The following GRAMD1B variants were observed in gnomAD, a reference collection of about 807,000 sequenced individuals.
The protein encoded by GRAMD1B is protein Aster-B.
Under a neutral mutation model 99.7 loss-of-function variants are expected in GRAMD1B, and 37 were observed. That is an observed-to-expected ratio of 0.37 (90% CI 0.29 to 0.49). GRAMD1B has a LOEUF of 0.49. Among genes scored for constraint, GRAMD1B ranks in the 20% least tolerant of loss-of-function variants. The probability of loss-of-function intolerance (pLI) is 0.98; values close to 1 mark genes in which losing one functional copy is unlikely to be tolerated. For missense variants in GRAMD1B, 888 were observed against 1,009.2 expected, an observed-to-expected ratio of 0.88 and a Z score of 1.63; for synonymous variants, 427 against 387.6, an observed-to-expected ratio of 1.10 and a Z score of -1.19.
chr11:123,527,638 A>G (rs892176133), intron 2 of GRAMD1B, among the ~76,000 whole-genome samples: 1 of 152,168 alleles, frequency 6.6e-6, no homozygotes, highest in Non-Finnish European at 1.5e-5. Context: ...ACCAGCAGCT[A>G]AAGCTCTTCC....
chr11:123,472,290 AAC>A (rs1951055118), intron 1 of GRAMD1B, among the ~76,000 whole-genome samples: 1 of 152,112 alleles, frequency 6.6e-6, no homozygotes, highest in Non-Finnish European at 1.5e-5. Flanking sequence ...TCTTTTGTTA[AAC>A]ACAGACATGG....
At chr11:123,547,061 C>A (rs537367117) in intron 2 of GRAMD1B, among the ~76,000 whole-genome samples, 1 of 152,212 alleles carries the variant, frequency 6.6e-6, no homozygotes, top group Non-Finnish European at 1.5e-5. Flanking sequence ...ATGGAAGAGA[C>A]CCCATGGTTT....
chr11:123,540,599 G>A (rs967941407), intron 2 of GRAMD1B, among the ~76,000 whole-genome samples: 2 of 27,362 alleles, frequency 7.3e-5, no homozygotes, highest in African/African-American at 2.1e-4. Flanking sequence ...TTGTTTGACT[G>A]TTGTTTTTTT....
intron 1 of GRAMD1B, among the ~76,000 whole-genome samples, chr11:123,391,073 C>T (rs968286328): frequency 1.3e-5 from 2 of 152,224 alleles, no homozygotes; most frequent in Non-Finnish European, 2.9e-5. Flanking sequence ...AAACTTGGCC[C>T]TTCTTGCTGG....
intron 4 of GRAMD1B, 89 bp from the exon 5 acceptor site, chr11:123,593,993 C>A: frequency 1.1e-6 from 1 of 901,322 alleles, no homozygotes; most frequent in Non-Finnish European, 1.9e-6. Flanking sequence ...GCTTTTTAAA[C>A]ACACAAGCAA....
At chr11:123,385,073 A>T (rs918101458) in intron 1 of GRAMD1B, among the ~76,000 whole-genome samples, 5 of 152,116 alleles carry the variant, frequency 3.3e-5, no homozygotes, top group Admixed American at 2.6e-4. Context: ...AATTCATCTG[A>T]CCTGGAATTA....
intron 2 of GRAMD1B, among the ~76,000 whole-genome samples, chr11:123,574,704 C>T (rs1948527641): frequency 6.6e-6 from 1 of 152,114 alleles, no homozygotes; most frequent in South Asian, 2.1e-4. Context: ...GTGTGGGGCA[C>T]TCATGAGACA....
intron 1 of GRAMD1B, among the ~76,000 whole-genome samples, chr11:123,391,230 A>G (rs750042920): frequency 8.5e-5 from 13 of 152,186 alleles, no homozygotes; most frequent in Non-Finnish European, 1.5e-4. Flanking sequence ...TAAAATTGAA[A>G]TCATGAGATG....
At position 123,610,110 on chromosome 11, in the gene GRAMD1B, G is replaced by T. The variant is rs1565460727; in HGVS notation, c.1777-86G>T. ...CTCCTGTTCAGAAGCCGTGGGGTGG[G>T]GTGGGCTTGGGGAGGCTGGAGAAGG... On this transcript the variant is annotated intron_variant, in intron 13 of 19. Transcript: ENST00000635736. The surrounding 1 kb of genome is among the most constrained non-coding windows in gnomAD (Gnocchi z 4.1). The T allele has an allele frequency of 7.9e-7, 1 of 1,268,052 alleles. No homozygotes were observed. The highest frequency in any genetic ancestry group is 1.1e-6 in the Non-Finnish European group (1 of 886,894). The allele number at this position is 1,268,052 out of a possible 1,614,324, so 78.6% of individuals were successfully genotyped here.
intron 2 of GRAMD1B, among the ~76,000 whole-genome samples, chr11:123,573,062 C>T (rs1046953771): frequency 4.0e-5 from 6 of 149,794 alleles, no homozygotes; most frequent in Non-Finnish European, 7.4e-5. Context: ...AGGTAGGCCC[C>T]GATGGCTGGG....
intron 2 of GRAMD1B, among the ~76,000 whole-genome samples, chr11:123,528,101 C>T (rs181422488): frequency 6.6e-6 from 1 of 152,192 alleles, no homozygotes; most frequent in East Asian, 1.9e-4. Flanking sequence ...GGGGCCAAAC[C>T]TTGTAGTTGT....
chr11:123,366,933 G>T (rs1372937196), intron 1 of GRAMD1B, among the ~76,000 whole-genome samples: 4 of 152,178 alleles, frequency 2.6e-5, no homozygotes, highest in African/African-American at 9.7e-5. Context: ...GCCAGGTGTG[G>T]TGGCTTATAC....
At position 123,522,701 on chromosome 11, in the gene GRAMD1B, A is replaced by T. The variant is rs536283941; in HGVS notation, c.452+41808A>T. Among the ~76,000 whole-genome samples the T allele has an allele frequency of 1.4e-3, 211 of 152,170 alleles. 6 individuals are homozygous for T. Among genetic ancestry groups the T allele is most frequent in the Non-Finnish European group, 3.8e-4 (26 of 68,028 alleles). ...TCTGTTTCAGAAACAAGAAAGAGCC[A>T]AGGGGAATTCGAGGCAGATGATGAT... On this transcript the variant is annotated intron_variant, in intron 2 of 19. Transcript: ENST00000635736.
chr11:123,558,304 G>A (rs1037321770), intron 2 of GRAMD1B, among the ~76,000 whole-genome samples: 1 of 152,056 alleles, frequency 6.6e-6, no homozygotes, highest in Non-Finnish European at 1.5e-5. Context: ...TACTGAATAT[G>A]TGTGTACCCA....
chr11:123,437,058 C>A (rs557148675), intron 1 of GRAMD1B, among the ~76,000 whole-genome samples: 2 of 152,290 alleles, frequency 1.3e-5, no homozygotes, highest in South Asian at 4.1e-4. Context: ...CCAGCTTCAT[C>A]CGTGTCCCTA....
intron 1 of GRAMD1B, among the ~76,000 whole-genome samples, chr11:123,471,135 T>C (rs1390781595): frequency 1.3e-5 from 2 of 152,190 alleles, no homozygotes; most frequent in Non-Finnish European, 2.9e-5. Context: ...AAGAGATGAA[T>C]TGCAGTAGAT....
chr11:123,449,731 T>TTTTTTTTTTA (rs1360753936), intron 1 of GRAMD1B, among the ~76,000 whole-genome samples: 1 of 149,340 alleles, frequency 6.7e-6, no homozygotes, highest in Non-Finnish European at 1.5e-5. Flanking sequence ...TTTTTTTTTT[T>TTTTTTTTTTA]GAGACAGGGT....
chr11:123,480,944 G>T (rs1002884783), intron 2 of GRAMD1B, 51 bp downstream of exon 2: 12 of 398,556 alleles, frequency 3.0e-5, no homozygotes, highest in Non-Finnish European at 5.3e-5. Flanking sequence ...GAGGGGGTGG[G>T]GTGGAATGTT....
intron 14 of GRAMD1B, among the ~76,000 whole-genome samples, chr11:123,611,149 A>G (rs966609199): frequency 1.3e-5 from 2 of 152,200 alleles, no homozygotes; most frequent in Non-Finnish European, 2.9e-5. Flanking sequence ...AGAAGTGCGC[A>G]TCAAGAGGGA....
Sources: gnomAD v4.1 joint callset for allele counts (sites outside exome capture counted in the v4.1 genomes callset) on GRCh38, gnomAD v4.1.1 for gene constraint, Gnocchi (gnomAD v3.1) non-coding constraint, MANE v1.5 for transcripts, NCBI Gene and HGNC (gene_info 2026-07-23, HGNC 2026-07-21) for gene names.